SBNO2: variants seen among roughly 807,000 people sequenced by gnomAD.
SBNO2 encodes strawberry notch homolog 2.
A neutral mutation model predicts 146.3 loss-of-function variants in SBNO2; 89 were observed. The observed-to-expected ratio is 0.61, with a 90% confidence interval of 0.51 to 0.73. The LOEUF (loss-of-function observed/expected upper bound fraction) is 0.73. Ranked by LOEUF, SBNO2 falls within the 30% of genes least tolerant of loss-of-function variation. The probability of loss-of-function intolerance (pLI) is 0.00; values close to 1 mark genes in which losing one functional copy is unlikely to be tolerated. For synonymous variants in SBNO2, 1,147 were observed against 892.6 expected (o/e 1.29, Z -5.08); for missense variants, 2,092 against 2,003.7 (o/e 1.04, Z -0.84).
chr19:1,144,960 G>GGAGACA lies in SBNO2; in HGVS notation c.279+2343_279+2348dup, dbSNP rs560522150. On this transcript the variant is annotated intron_variant, in intron 4 of 31. Transcript: ENST00000361757. The surrounding 1 kb of genome is among the most constrained non-coding windows in gnomAD (Gnocchi z 4.1). ...CAGAGAGGGAGACAGAGACAAAGAG[G>GGAGACA]GAGACAGAGACAGAGACTGAGAGGG... Among the ~76,000 whole-genome samples, 1 of 149,372 alleles carries GGAGACA rather than the reference G, an allele frequency of 6.7e-6. No homozygotes were observed. Among genetic ancestry groups the GGAGACA allele is most frequent in the Non-Finnish European group, 1.5e-5 (1 of 67,372 alleles).
At position 1,173,050 on chromosome 19, in the gene SBNO2, A is replaced by G. The variant is rs563965488; in HGVS notation, c.-127+1122T>C. 6.8e-6 allele frequency among the ~76,000 whole-genome samples: 1 copy of G among 147,808 alleles called. No homozygotes were observed. Among genetic ancestry groups the G allele is most frequent in the Non-Finnish European group, 1.5e-5 (1 of 67,282 alleles). On this transcript the variant is annotated intron_variant, in intron 1 of 31. Transcript: ENST00000361757. This position sits in a 1 kb window ranked among gnomAD's most constrained non-coding sequence, Gnocchi z 4.7. ...AATCAGTTCATCCAGGGAGACACCC[A>G]CCGTCCCTGCCCCAGCACCATCCGT...
At chr19:1,163,539 C>T (rs375659896) in intron 1 of SBNO2, among the ~76,000 whole-genome samples, 126 of 152,328 alleles carry the variant, frequency 8.3e-4, no homozygotes, top group African/African-American at 3.0e-3. Flanking sequence ...CCCGTGAGCA[C>T]GAGGACTCGG....
At chr19:1,111,971 C>G in intron 23 of SBNO2, 25 bp downstream of exon 23, 1 of 1,606,468 alleles carries the variant, frequency 6.2e-7, no homozygotes, top group Non-Finnish European at 8.5e-7. Flanking sequence ...TGCCCCGCCC[C>G]CCAACCCTGC....
Position 1,108,904 on chromosome 19 carries a change from T to C in SBNO2, c.3491A>G (p.His1164Arg). Residue 1164 changes from histidine (H) to arginine (R), a missense_variant, in exon 31 of 32, where the codon CAC (histidine) becomes CGC (arginine). Physicochemically the swap from His to Arg is conservative, Grantham distance 29. Coordinates refer to ENST00000361757, the MANE Select transcript of SBNO2 (RefSeq NM_014963.3). The stretch of plus-strand genomic sequence containing the variant: ...CAGCAGCGCGCCGCACAGCATGTAG[T>C]GGTGCCGCAGCCGCAGCCCCTGCAG... ...DCLQGLRLRH[H>R]YMLCGALLRV... 6.3e-7 allele frequency: 1 copy of C among 1,582,748 alleles called. No homozygotes were observed.
intron 1 of SBNO2, among the ~76,000 whole-genome samples, chr19:1,162,168 A>G (rs1199763433): frequency 2.2e-5 from 1 of 45,932 alleles, no homozygotes; most frequent in Non-Finnish European, 4.7e-5. Flanking sequence ...ATTCTTTTTT[A>G]AAATAATACA....
chr19:1,128,627 AGG>A, intron 4 of SBNO2, among the ~76,000 whole-genome samples: 1 of 151,034 alleles, frequency 6.6e-6, no homozygotes, highest in East Asian at 2.0e-4. Flanking sequence ...TCCTGACCTC[AGG>A]TGATCCATCC....
Position 1,108,288 on chromosome 19 carries a change from C to A in SBNO2, c.4033G>T (p.Gly1345Cys). Reference sequence around the variant, plus strand: ...ATCACGCTCTGCCGCTCGGGACCACCGCCCGCCGCGCCCCCCGCCCCCGCG... The same window carrying A: ...ATCACGCTCTGCCGCTCGGGACCACAGCCCGCCGCGCCCCCCGCCCCCGCG... ...EGAGAGGAAGGGPERQSVIQF... is the reference protein window; with the variant it reads ...EGAGAGGAAGCGPERQSVIQF... Residue 1345 changes from glycine (G) to cysteine (C), a missense_variant, in exon 32 of 32, where the codon GGT (glycine) becomes TGT (cysteine). Transcript: ENST00000361757. The A allele has an allele frequency of 2.0e-6, 3 of 1,497,698 alleles. No individual in the cohort carries two copies. Among genetic ancestry groups the A allele is most frequent in the Non-Finnish European group, 2.7e-6 (3 of 1,120,792 alleles). 92.8% of individuals were successfully genotyped at this position (1,497,698 alleles called of 1,614,324 possible).
Position 1,109,926 on chromosome 19 carries a change from C to T in SBNO2, c.3029-149G>A, listed in dbSNP as rs540936815. The T allele has an allele frequency of 3.8e-3, 2,375 of 632,940 alleles. 9 individuals carry two copies. Among genetic ancestry groups the T allele is most frequent in the Admixed American group, 5.7e-3 (190 of 33,586 alleles). 39.2% of individuals were successfully genotyped at this position (632,940 alleles called of 1,614,324 possible). A position where few individuals can be genotyped will look rare whatever the true frequency, so the allele number is the denominator to read the frequency against. ...TGGATCCTGGCCTGACCTGGCCCAG[C>T]GTGGGGATGGTGCACGTGGGCCCCA... On this transcript the variant is annotated intron_variant, in intron 26 of 31. Coordinates refer to ENST00000361757, the MANE Select transcript of SBNO2 (RefSeq NM_014963.3). This position sits in a 1 kb window ranked among gnomAD's most constrained non-coding sequence, Gnocchi z 4.2.
intron 4 of SBNO2, among the ~76,000 whole-genome samples, chr19:1,145,126 G>T (rs1428032835): frequency 6.6e-6 from 1 of 151,944 alleles, no homozygotes; most frequent in South Asian, 2.1e-4. Flanking sequence ...GGGAGACAGA[G>T]AGAGAGACTA....
chr19:1,127,836 G>A (rs1375970453), intron 4 of SBNO2, 71 bp from the exon 5 acceptor site: 24 of 1,459,664 alleles, frequency 1.6e-5, no homozygotes, highest in South Asian at 8.5e-5. Context: ...ACTGGAGCAC[G>A]TGGGGATGGG....
At chr19:1,159,712 CG>C (rs1238011055) in intron 1 of SBNO2, among the ~76,000 whole-genome samples, 2 of 75,470 alleles carry the variant, frequency 2.7e-5, no homozygotes, top group Admixed American at 1.6e-4. Flanking sequence ...GATGGGACAG[CG>C]GGGGGACAGC....
At chr19:1,130,009 C>T (rs181097558) in intron 4 of SBNO2, among the ~76,000 whole-genome samples, 5 of 152,270 alleles carry the variant, frequency 3.3e-5, no homozygotes, top group East Asian at 1.9e-4. Context: ...AACACCAGCC[C>T]GACTACTCCA....
intron 1 of SBNO2, among the ~76,000 whole-genome samples, chr19:1,159,833 T>C (rs1301066863): frequency 6.6e-6 from 1 of 150,614 alleles, no homozygotes; most frequent in African/African-American, 2.4e-5. Flanking sequence ...AGGGGACACA[T>C]TCAAGACATC....
intron 13 of SBNO2, 112 bp from the exon 14 acceptor site, chr19:1,119,276 C>A (rs2079870362): frequency 3.7e-6 from 5 of 1,334,686 alleles, no homozygotes; most frequent in Admixed American, 2.2e-5. Flanking sequence ...GGAGCAGAGC[C>A]CTGGCGGCCA....
At chr19:1,154,136 G>T (rs1410329457) in intron 2 of SBNO2, 48 bp downstream of exon 2, 2 of 965,002 alleles carry the variant, frequency 2.1e-6, no homozygotes, top group African/African-American at 1.7e-5. Context: ...AGCGGGGCAA[G>T]TGCCCGTGGA....
chr19:1,133,267 TG>T (rs2080051875), intron 4 of SBNO2, among the ~76,000 whole-genome samples: 2 of 151,416 alleles, frequency 1.3e-5, no homozygotes, highest in African/African-American at 4.8e-5. Flanking sequence ...TCCTCCTCTG[TG>T]AGGGGAGGAA....
Position 1,109,011 on chromosome 19 carries a change from GGGCCCGCA to G in SBNO2, c.3426-50_3426-43del. 6.7e-7 allele frequency: 1 copy of G among 1,487,624 alleles called. No homozygotes were observed. The highest frequency in any genetic ancestry group is 8.9e-7 in the Non-Finnish European group (1 of 1,122,034). The allele number at this position is 1,487,624 out of a possible 1,614,324, so 92.2% of individuals were successfully genotyped here. On this transcript the variant is annotated intron_variant, in intron 30 of 31. Coordinates refer to ENST00000361757, the MANE Select transcript of SBNO2 (RefSeq NM_014963.3). This position sits in a 1 kb window ranked among gnomAD's most constrained non-coding sequence, Gnocchi z 4.2. ...TCGTCTCGGCTCAGGCGGGTCCCAG[GGGCCCGCA>G]GGCTCCCCAGGTGCCCTGAGATCTC...
chr19:1,164,939 GAGGAGGAGGAGGAAC>G (rs2080397476), intron 1 of SBNO2, among the ~76,000 whole-genome samples: 1 of 149,962 alleles, frequency 6.7e-6, no homozygotes, highest in Non-Finnish European at 1.5e-5. Context: ...GGCACAGGAG[GAGGAGGAGGAGGAAC>G]AGGAGGAGGA....
intron 2 of SBNO2, among the ~76,000 whole-genome samples, chr19:1,151,686 G>A (rs1466307984): frequency 1.3e-5 from 2 of 152,076 alleles, no homozygotes; most frequent in Non-Finnish European, 2.9e-5. Context: ...ATTTTGAGAC[G>A]GAGTCTCACT....
Sources: allele counts gnomAD v4.1 joint callset (sites outside exome capture counted in the v4.1 genomes callset), GRCh38; gene constraint gnomAD v4.1.1; non-coding constraint Gnocchi (gnomAD v3.1); transcripts MANE v1.5; gene names NCBI Gene and HGNC (gene_info 2026-07-23, HGNC 2026-07-21).